RTN1: variants seen among roughly 807,000 people sequenced by gnomAD.
The protein encoded by RTN1 is reticulon 1.
A neutral mutation model predicts 65.5 loss-of-function variants in RTN1; 25 were observed. The ratio of observed to expected loss-of-function variants is 0.38; its 90% CI spans 0.28 to 0.53. The LOEUF (loss-of-function observed/expected upper bound fraction) is 0.53. Ranked by LOEUF, RTN1 falls within the 20% of genes least tolerant of loss-of-function variation. RTN1 has a pLI of 0.79. For synonymous variants in RTN1, 471 were observed against 447.6 expected (o/e 1.05, Z -0.66); for missense variants, 983 against 1,025.4 (o/e 0.96, Z 0.57).
At chr14:59,775,180 T>C (rs1456789964) in intron 1 of RTN1, among the ~76,000 whole-genome samples, 1 of 152,134 alleles carries the variant, frequency 6.6e-6, no homozygotes, top group African/African-American at 2.4e-5. Flanking sequence ...TCATCTTCTG[T>C]CTACTGGCTG....
In RTN1 at chr14:59,799,999, C is replaced by T. The variant is rs376565097; in HGVS notation, c.242-53518G>A. Reference sequence around the variant, plus strand: ...CCTATCTCCACCCCCATAAGCCTGGCAAAAAGTAATAAGCAAAATTAATTT... The same window carrying T: ...CCTATCTCCACCCCCATAAGCCTGGTAAAAAGTAATAAGCAAAATTAATTT... On this transcript the variant is annotated intron_variant, in intron 1 of 8. Coordinates refer to ENST00000267484, the MANE Select transcript of RTN1 (RefSeq NM_021136.3). 5.5e-4 allele frequency among the ~76,000 whole-genome samples: 84 copies of T among 152,056 alleles called. 2 individuals are homozygous for T. The South Asian group carries it at 0.017, about 30-fold the overall frequency.
At chr14:59,674,128 C>T (rs1883570413) in intron 3 of RTN1, among the ~76,000 whole-genome samples, 1 of 152,160 alleles carries the variant, frequency 6.6e-6, no homozygotes, top group Non-Finnish European at 1.5e-5. Context: ...TTCAATGTCC[C>T]TGTTTTCTAC....
At chr14:59,679,494 G>C (rs1253101407) in intron 3 of RTN1, among the ~76,000 whole-genome samples, 1 of 152,184 alleles carries the variant, frequency 6.6e-6, no homozygotes, top group African/African-American at 2.4e-5. Flanking sequence ...CCAACTGTGG[G>C]ATGAATCTGC....
At chr14:59,848,076 T>A (rs565806943) in intron 1 of RTN1, among the ~76,000 whole-genome samples, 1 of 152,300 alleles carries the variant, frequency 6.6e-6, no homozygotes, top group Non-Finnish European at 1.5e-5. Context: ...GAGTAATGGC[T>A]CAGATTTTGA....
chr14:59,672,341 C>T (rs76569185), intron 3 of RTN1, among the ~76,000 whole-genome samples: 2,717 of 152,206 alleles, frequency 0.018, 73 homozygotes, highest in African/African-American at 0.061. Context: ...GCAAGTAAAG[C>T]GCTATGATGT....
Position 59,727,254 on chromosome 14 carries a change from G to C in RTN1, c.1430C>G (p.Ser477Trp), listed in dbSNP as rs368561381. The C allele has an allele frequency of 6.6e-7, 1 of 1,521,148 alleles. No individual in the cohort carries two copies. Among genetic ancestry groups the C allele is most frequent in the Admixed American group, 2.1e-5 (1 of 46,846 alleles). 94.2% of individuals were successfully genotyped at this position (1,521,148 alleles called of 1,614,324 possible). A position where few individuals can be genotyped will look rare whatever the true frequency, so the allele number is the denominator to read the frequency against. The change falls in exon 3 of 9, where the codon TCG becomes TGG. Residue 477 changes from serine to tryptophan, a missense_variant. Physicochemically the swap from Ser to Trp is radical, Grantham distance 177 (BLOSUM62 -3). Around this residue, in one of 2 missense-constraint regions of RTN1, gnomAD observed 818 missense variants for 801.8 expected, o/e 1.02. Coordinates refer to ENST00000267484, the MANE Select transcript of RTN1 (RefSeq NM_021136.3). This position sits in a 1 kb window ranked among gnomAD's most constrained non-coding sequence, Gnocchi z 4.2. Reference protein sequence around the residue: ...IIESCDASSASEESPKREQDS... With the variant: ...IIESCDASSAWEESPKREQDS... ...CTGCTCCCGCTTGGGGCTCTCCTCC[G>C]AGGCCGAGGAGGCGTCGCACGACTC...
At chr14:59,713,237 T>C (rs1884461976) in intron 3 of RTN1, among the ~76,000 whole-genome samples, 1 of 152,108 alleles carries the variant, frequency 6.6e-6, no homozygotes, top group South Asian at 2.1e-4. Flanking sequence ...AACGATACGG[T>C]GTCTTGAGGG....
intron 1 of RTN1, among the ~76,000 whole-genome samples, 181 bp from the exon 2 acceptor site, chr14:59,746,662 T>C (rs1885234600): frequency 6.6e-6 from 1 of 152,112 alleles, no homozygotes; most frequent in Non-Finnish European, 1.5e-5. Context: ...TCCCCGATAG[T>C]CCATACTTGT....
intron 1 of RTN1, among the ~76,000 whole-genome samples, chr14:59,801,371 G>A (rs1377812743): frequency 2.0e-5 from 3 of 152,128 alleles, no homozygotes; most frequent in Non-Finnish European, 1.5e-5. Context: ...AATCATTACA[G>A]ACAGGGGAGG....
chr14:59,727,392 T>C lies in RTN1; in HGVS notation c.1292A>G (p.Tyr431Cys), dbSNP rs1449185283. The C allele has an allele frequency of 1.9e-6, 3 of 1,542,616 alleles. No individual in the cohort carries two copies. Among genetic ancestry groups the C allele is most frequent in the African/African-American group, 1.4e-5 (1 of 73,210 alleles). ...GCCGCCCACGTGGCCAAAGCTCACATAGCCTGAGGGCAGCGCGTCCTCCGC... is the reference window on the plus strand; with the variant it reads ...GCCGCCCACGTGGCCAAAGCTCACACAGCCTGAGGGCAGCGCGTCCTCCGC... ...MAAEDALPSG[Y>C]VSFGHVGGPP... The change falls in exon 3 of 9, where the codon TAT (tyrosine) becomes TGT (cysteine). Residue 431 changes from tyrosine to cysteine, a missense_variant. Coordinates refer to ENST00000267484, the MANE Select transcript of RTN1 (RefSeq NM_021136.3). The surrounding 1 kb of genome is among the most constrained non-coding windows in gnomAD (Gnocchi z 4.2).
At chr14:59,726,465 T>C (rs1410791765) in intron 3 of RTN1, among the ~76,000 whole-genome samples, 1 of 152,134 alleles carries the variant, frequency 6.6e-6, no homozygotes, top group African/African-American at 2.4e-5. Context: ...CCATTTTGCA[T>C]ACTTAAGAAA....
At chr14:59,798,640 C>T (rs1233138029) in intron 1 of RTN1, among the ~76,000 whole-genome samples, 1 of 152,136 alleles carries the variant, frequency 6.6e-6, no homozygotes, top group African/African-American at 2.4e-5. Flanking sequence ...TCTGATCTTC[C>T]TGCCTGCCTC....
chr14:59,817,355 A>T (rs1372343813), intron 1 of RTN1, among the ~76,000 whole-genome samples: 1 of 152,218 alleles, frequency 6.6e-6, no homozygotes, highest in Non-Finnish European at 1.5e-5. Flanking sequence ...TGCATTTTTT[A>T]AAAAAGACAC....
At position 59,626,379 on chromosome 14, in the gene RTN1, C is replaced by T. The variant is rs1882400052; in HGVS notation, c.1766-18887G>A. 4.6e-5 allele frequency among the ~76,000 whole-genome samples: 7 copies of T among 152,264 alleles called. No individual in the cohort carries two copies. In the South Asian group the frequency reaches 1.2e-3, roughly 27 times the overall value. ...CTTCCATCAATAACTTACATTCTGG[C>T]AATCTGTAACTACAAAATGCTGCCA... On this transcript the variant is annotated intron_variant, in intron 3 of 8. Coordinates refer to ENST00000267484, the MANE Select transcript of RTN1 (RefSeq NM_021136.3).
At chr14:59,749,280 A>C (rs868243579) in intron 1 of RTN1, among the ~76,000 whole-genome samples, 8 of 47,642 alleles carry the variant, frequency 1.7e-4, no homozygotes, top group South Asian at 1.5e-3. Context: ...ATATATATCT[A>C]TATATATCTA....
intron 3 of RTN1, among the ~76,000 whole-genome samples, chr14:59,654,432 G>GA (rs1555353831): frequency 0.02 from 2,206 of 108,688 alleles, 64 homozygotes; most frequent in African/African-American, 0.06. Context: ...CTGTCTCTGT[G>GA]AAAAAAAAAA....
chr14:59,756,387 A>G (rs535435353), intron 1 of RTN1, among the ~76,000 whole-genome samples: 94 of 152,340 alleles, frequency 6.2e-4, no homozygotes, highest in African/African-American at 2.0e-3. Flanking sequence ...TTTGAAGAAT[A>G]GGTTTAGTGA....
At chr14:59,662,084 T>C (rs1883260531) in intron 3 of RTN1, among the ~76,000 whole-genome samples, 1 of 152,132 alleles carries the variant, frequency 6.6e-6, no homozygotes, top group African/African-American at 2.4e-5. Flanking sequence ...ACAAAATCAA[T>C]GTGCAAAAAT....
At chr14:59,780,596 T>G (rs1217470339) in intron 1 of RTN1, among the ~76,000 whole-genome samples, 3 of 152,126 alleles carry the variant, frequency 2.0e-5, no homozygotes, top group Non-Finnish European at 4.4e-5. Context: ...AGAGCCAAGG[T>G]CTAGGGCAAA....
Sources: gnomAD v4.1 joint callset for allele counts (sites outside exome capture counted in the v4.1 genomes callset) on GRCh38, gnomAD v4.1.1 for gene constraint, gnomAD v4.1.1 regional missense constraint, Gnocchi (gnomAD v3.1) non-coding constraint, MANE v1.5 for transcripts, NCBI Gene and HGNC (gene_info 2026-07-23, HGNC 2026-07-21) for gene names.